Variants in SMPD3 observed in about 807,000 individuals in gnomAD.
SMPD3 encodes sphingomyelin phosphodiesterase 3, also known as nSMase-2.
Under a neutral mutation model 55.7 loss-of-function variants are expected in SMPD3, and 21 were observed. That is an observed-to-expected ratio of 0.38 (90% CI 0.27 to 0.54). The LOEUF (loss-of-function observed/expected upper bound fraction) is 0.54, where lower values mean the gene tolerates loss of function less well. Ranked by LOEUF, SMPD3 falls within the 20% of genes least tolerant of loss-of-function variation. SMPD3 has a pLI of 0.80. For synonymous variants in SMPD3, 457 were observed against 404.3 expected (o/e 1.13, Z -1.56); for missense variants, 842 against 899.6 (o/e 0.94, Z 0.82).
chr16:68,384,735 G>A (rs1030901326), intron 2 of SMPD3, among the ~76,000 whole-genome samples: 1 of 152,070 alleles, frequency 6.6e-6, no homozygotes, highest in Non-Finnish European at 1.5e-5. Flanking sequence ...AGAGAACAAA[G>A]CTTGTGCCCC....
intron 1 of SMPD3, among the ~76,000 whole-genome samples, chr16:68,446,381 G>A (rs933326094): frequency 6.6e-5 from 10 of 151,990 alleles, no homozygotes; most frequent in East Asian, 1.9e-4. Context: ...GCATCCACTC[G>A]GACCCTAGGT....
intron 1 of SMPD3, among the ~76,000 whole-genome samples, chr16:68,415,291 G>C (rs536188757): frequency 6.6e-5 from 10 of 152,290 alleles, no homozygotes; most frequent in Non-Finnish European, 1.2e-4. Context: ...AGTGGGCAGA[G>C]AGGTGGCTAG....
At chr16:68,395,038 T>C (rs1209403421) in intron 1 of SMPD3, among the ~76,000 whole-genome samples, 1 of 150,498 alleles carries the variant, frequency 6.6e-6, no homozygotes, top group Non-Finnish European at 1.5e-5. Flanking sequence ...CTAGCCCCCC[T>C]GGGTGGGAAA....
At chr16:68,430,812 T>C (rs2090474099) in intron 1 of SMPD3, among the ~76,000 whole-genome samples, 1 of 152,204 alleles carries the variant, frequency 6.6e-6, no homozygotes, top group Non-Finnish European at 1.5e-5. Flanking sequence ...TATGGTCTAT[T>C]TATTCAATTA....
chr16:68,392,453 A>G (rs988734011), intron 1 of SMPD3, among the ~76,000 whole-genome samples: 5 of 152,180 alleles, frequency 3.3e-5, no homozygotes, highest in African/African-American at 4.8e-5. Context: ...TGTATTTTCA[A>G]CATAGAATGG....
intron 8 of SMPD3, 92 bp from the exon 9 acceptor site, chr16:68,361,399 GGGGCTGGGGT>G (rs1394609977): frequency 8.3e-6 from 12 of 1,437,550 alleles, no homozygotes; most frequent in South Asian, 2.5e-5. Flanking sequence ...GTGAGGCCCC[GGGGCTGGGGT>G]GGGCTGGGAC....
At chr16:68,442,644 T>C (rs780172643) in intron 1 of SMPD3, among the ~76,000 whole-genome samples, 2 of 152,234 alleles carry the variant, frequency 1.3e-5, no homozygotes, top group African/African-American at 4.8e-5. Context: ...TAAAGGGTTA[T>C]AGCCAGGATT....
intron 1 of SMPD3, among the ~76,000 whole-genome samples, chr16:68,412,846 T>C (rs142892402): frequency 5.1e-4 from 77 of 152,316 alleles, no homozygotes; most frequent in African/African-American, 1.8e-3. Context: ...TGGTAGATGT[T>C]AGAGGAATAT....
chr16:68,438,675 A>AGG (rs2090543872), intron 1 of SMPD3, among the ~76,000 whole-genome samples: 1 of 152,174 alleles, frequency 6.6e-6, no homozygotes, highest in Non-Finnish European at 1.5e-5. Context: ...TCATTTGATC[A>AGG]CAACTTTCCC....
chr16:68,405,878 G>T (rs939253817), intron 1 of SMPD3, among the ~76,000 whole-genome samples: 4 of 152,186 alleles, frequency 2.6e-5, no homozygotes, highest in Non-Finnish European at 5.9e-5. Context: ...CCCTGGAGTG[G>T]AAATCCAGAG....
At chr16:68,419,156 A>C (rs2090365021) in intron 1 of SMPD3, among the ~76,000 whole-genome samples, 1 of 152,004 alleles carries the variant, frequency 6.6e-6, no homozygotes, top group South Asian at 2.1e-4. Flanking sequence ...GGGGTAAGGG[A>C]TGCTGGACCA....
At chr16:68,367,838 G>A (rs968397369) in intron 3 of SMPD3, 6 of 152,256 alleles carry the variant, frequency 3.9e-5, no homozygotes, top group Non-Finnish European at 7.3e-5. Context: ...GAGTCCTGGC[G>A]GGCAAAGACT....
At chr16:68,363,702 G>A in intron 6 of SMPD3, 75 bp downstream of exon 6, 1 of 1,467,678 alleles carries the variant, frequency 6.8e-7, no homozygotes, top group Non-Finnish European at 9.3e-7. Flanking sequence ...GGTCTTGTGG[G>A]GTAGGTCCTG....
chr16:68,436,809 G>T (rs868361616), intron 1 of SMPD3, among the ~76,000 whole-genome samples: 8 of 152,306 alleles, frequency 5.3e-5, no homozygotes, highest in East Asian at 1.9e-4. Flanking sequence ...CAGGCAAAGG[G>T]TCTCAAGAGC....
In SMPD3 at chr16:68,370,379, G is replaced by C. The variant is rs546474694; in HGVS notation, c.1323+480C>G. ...GGTGTCACGGCCTGGAGACCTGAGG[G>C]TCCCGTCTGCTTGCCTGATGCGCTT... On this transcript the variant is annotated intron_variant, in intron 3 of 8. Coordinates refer to ENST00000219334, the MANE Select transcript of SMPD3 (RefSeq NM_018667.4). 87 of 160,934 alleles carry C rather than the reference G, an allele frequency of 5.4e-4. 1 individual carries two copies. Among genetic ancestry groups the C allele is most frequent in the Admixed American group, 5.0e-3 (87 of 17,480 alleles). 10.0% of individuals were successfully genotyped at this position (160,934 alleles called of 1,614,324 possible). A position where few individuals can be genotyped will look rare whatever the true frequency, so the allele number is the denominator to read the frequency against.
At chr16:68,440,203 TCA>T (rs2090555420) in intron 1 of SMPD3, among the ~76,000 whole-genome samples, 1 of 152,232 alleles carries the variant, frequency 6.6e-6, no homozygotes, top group South Asian at 2.1e-4. Context: ...TTTCTTTTTT[TCA>T]TTGTTTTTTT....
At chr16:68,436,672 A>G (rs1227800269) in intron 1 of SMPD3, among the ~76,000 whole-genome samples, 8 of 152,228 alleles carry the variant, frequency 5.3e-5, no homozygotes, top group Non-Finnish European at 2.9e-5. Context: ...ATTTAAAATT[A>G]TATTCTTCTG....
intron 1 of SMPD3, among the ~76,000 whole-genome samples, chr16:68,441,792 A>G (rs2090568103): frequency 6.6e-6 from 1 of 152,106 alleles, no homozygotes; most frequent in Non-Finnish European, 1.5e-5. Context: ...AAATTTTAGA[A>G]TCTTGCTCTG....
At chr16:68,427,235 T>C (rs762860784) in intron 1 of SMPD3, among the ~76,000 whole-genome samples, 15 of 152,130 alleles carry the variant, frequency 9.9e-5, no homozygotes, top group Non-Finnish European at 1.9e-4. Flanking sequence ...ACTCCTGACC[T>C]CATGTGACCC....
Sources: gnomAD v4.1 joint callset for allele counts (sites outside exome capture counted in the v4.1 genomes callset) on GRCh38, gnomAD v4.1.1 for gene constraint, MANE v1.5 for transcripts, NCBI Gene and HGNC (gene_info 2026-07-23, HGNC 2026-07-21) for gene names.